The following CSMD3 variants were observed in gnomAD, a reference collection of about 807,000 sequenced individuals.
CSMD3 encodes the protein CUB and Sushi multiple domains 3.
In CSMD3, 177 loss-of-function variants were observed where a neutral mutation model predicts 435.2. The observed-to-expected ratio is 0.41, with a 90% CI of 0.36 to 0.46. CSMD3 has a LOEUF of 0.46. CSMD3 is among the 20% of genes least tolerant of loss of function. The pLI is 0.34. For missense variants in CSMD3, 4,265 were observed against 4,504.6 expected, an observed-to-expected ratio of 0.95 and a Z score of 1.52; for synonymous variants, 1,656 against 1,520.5, an observed-to-expected ratio of 1.09 and a Z score of -2.07.
chr8:112,447,665 T>C (rs1815760417), intron 32 of CSMD3, among the ~76,000 whole-genome samples: 1 of 152,180 alleles, frequency 6.6e-6, no homozygotes, highest in Non-Finnish European at 1.5e-5. Context: ...CAAAATTCAG[T>C]CTTTGATTTA....
chr8:113,328,913 G>T (rs1346488102), intron 1 of CSMD3, among the ~76,000 whole-genome samples: 2 of 150,442 alleles, frequency 1.3e-5, no homozygotes, highest in African/African-American at 4.9e-5. Flanking sequence ...GCTAATTTTT[G>T]TATTTTTTTG....
At chr8:113,418,093 A>T (rs1287404658) in intron 1 of CSMD3, among the ~76,000 whole-genome samples, 2 of 152,128 alleles carry the variant, frequency 1.3e-5, no homozygotes, top group Non-Finnish European at 2.9e-5. Flanking sequence ...TTCAACGGAG[A>T]TATAGAATTG....
chr8:112,322,306 G>T (rs1052464550), intron 45 of CSMD3, among the ~76,000 whole-genome samples: 4 of 152,018 alleles, frequency 2.6e-5, no homozygotes, highest in African/African-American at 9.7e-5. Context: ...AAAGATCAAA[G>T]GTTGTAATTT....
At chr8:112,373,375 T>C (rs1267394341) in intron 38 of CSMD3, among the ~76,000 whole-genome samples, 1 of 152,016 alleles carries the variant, frequency 6.6e-6, no homozygotes, top group Admixed American at 6.6e-5. Flanking sequence ...TGCAGTGACA[T>C]AGGTGTCTCC....
Position 113,341,607 on chromosome 8 carries a change from A to G in CSMD3, c.179-26814T>C, listed in dbSNP as rs536284838. On this transcript the variant is annotated intron_variant, in intron 1 of 70. Transcript: ENST00000297405. ...TATATATGAGACATGCTATAATAGGAGTATCTGAAAGGCTGTTTAAAATAT... is the reference window on the plus strand; with the variant it reads ...TATATATGAGACATGCTATAATAGGGGTATCTGAAAGGCTGTTTAAAATAT... Among the ~76,000 whole-genome samples the G allele has an allele frequency of 3.9e-5, 6 of 152,250 alleles. No homozygotes were observed. The South Asian group carries it at 1.2e-3, about 32-fold the overall frequency.
intron 10 of CSMD3, among the ~76,000 whole-genome samples, chr8:112,880,443 C>T (rs1476664116): frequency 2.0e-5 from 3 of 152,012 alleles, no homozygotes; most frequent in Non-Finnish European, 4.4e-5. Flanking sequence ...AAAGAATAGA[C>T]ATTTTCGCTA....
At chr8:112,429,732 A>C (rs1813457783) in intron 32 of CSMD3, among the ~76,000 whole-genome samples, 1 of 152,110 alleles carries the variant, frequency 6.6e-6, no homozygotes, top group South Asian at 2.1e-4. Flanking sequence ...TAATATGCAG[A>C]CAATTGATAA....
At chr8:112,284,739 A>G (rs1429026532) in intron 58 of CSMD3, among the ~76,000 whole-genome samples, 1 of 151,942 alleles carries the variant, frequency 6.6e-6, no homozygotes, top group Non-Finnish European at 1.5e-5. Context: ...ACATTCCACA[A>G]AAGTGGAGTA....
intron 58 of CSMD3, among the ~76,000 whole-genome samples, chr8:112,282,942 A>T (rs897187394): frequency 4.6e-5 from 7 of 152,100 alleles, no homozygotes; most frequent in Non-Finnish European, 7.4e-5. Flanking sequence ...CAGTCAACAG[A>T]CATAATCTAA....
chr8:112,967,051 T>C (rs533322321), intron 7 of CSMD3, among the ~76,000 whole-genome samples: 1 of 152,006 alleles, frequency 6.6e-6, no homozygotes, highest in East Asian at 1.9e-4. Flanking sequence ...TAGAGATCTG[T>C]TAGAAATGCG....
At chr8:112,898,849 A>G (rs1439417666) in intron 10 of CSMD3, among the ~76,000 whole-genome samples, 1 of 151,172 alleles carries the variant, frequency 6.6e-6, no homozygotes, top group East Asian at 2.0e-4. Context: ...CAAATCCCCA[A>G]ATCTTTGTTG....
chr8:112,372,914 C>CT (rs1270196317), intron 38 of CSMD3, among the ~76,000 whole-genome samples: 1 of 149,068 alleles, frequency 6.7e-6, no homozygotes, highest in Non-Finnish European at 1.5e-5. Flanking sequence ...CAGCATTTAC[C>CT]TTTTAGGTAA....
chr8:113,277,286 C>T (rs991247221), intron 3 of CSMD3, among the ~76,000 whole-genome samples: 13 of 152,030 alleles, frequency 8.6e-5, no homozygotes, highest in South Asian at 2.1e-4. Context: ...AGAAAAACAA[C>T]GATTATTACT....
chr8:113,074,598 G>T (rs1425417035), intron 5 of CSMD3, among the ~76,000 whole-genome samples: 1 of 151,890 alleles, frequency 6.6e-6, no homozygotes, highest in Non-Finnish European at 1.5e-5. Context: ...GCTATAGTTA[G>T]TTAGAATATT....
chr8:112,826,790 T>C (rs570546944), intron 12 of CSMD3, among the ~76,000 whole-genome samples: 45 of 152,292 alleles, frequency 3.0e-4, no homozygotes, highest in Middle Eastern at 6.8e-3. Context: ...CAAAGCCTAA[T>C]TTTTAATCCC....
intron 1 of CSMD3, among the ~76,000 whole-genome samples, chr8:113,367,312 T>A (rs2133031759): frequency 6.6e-6 from 1 of 152,126 alleles, no homozygotes; most frequent in East Asian, 1.9e-4. Context: ...AGGTTTAATT[T>A]TTTCATGAAG....
chr8:112,902,362 C>T (rs544552958), intron 10 of CSMD3, among the ~76,000 whole-genome samples: 31 of 151,246 alleles, frequency 2.0e-4, no homozygotes, highest in Non-Finnish European at 3.9e-4. Context: ...GGTTCAAGGC[C>T]GTGCTTGTCA....
At chr8:112,626,650 A>G (rs1179266884) in intron 22 of CSMD3, among the ~76,000 whole-genome samples, 4 of 152,048 alleles carry the variant, frequency 2.6e-5, no homozygotes, top group Non-Finnish European at 5.9e-5. Flanking sequence ...GTCTATTCCA[A>G]TTTCAATTAA....
At chr8:113,129,261 C>T (rs1177300525) in intron 4 of CSMD3, among the ~76,000 whole-genome samples, 1 of 151,978 alleles carries the variant, frequency 6.6e-6, no homozygotes, top group Non-Finnish European at 1.5e-5. Flanking sequence ...GGGGATATTC[C>T]CACCATTTGA....
Sources: allele counts gnomAD v4.1 joint callset (sites outside exome capture counted in the v4.1 genomes callset), GRCh38; gene constraint gnomAD v4.1.1; transcripts MANE v1.5; gene names NCBI Gene and HGNC (gene_info 2026-07-23, HGNC 2026-07-21).